Variants in RRM2B observed in about 807,000 individuals in gnomAD.
The protein encoded by RRM2B is ribonucleotide reductase regulatory TP53 inducible subunit M2B, also known as ribonucleoside-diphosphate reductase subunit M2 B.
RRM2B carries 20 observed loss-of-function variants against 45.9 expected under a neutral mutation model. The ratio of observed to expected loss-of-function variants is 0.44; its 90% confidence interval spans 0.31 to 0.63. The LOEUF is 0.63. Among genes scored for constraint, RRM2B ranks in the 30% least tolerant of loss-of-function variants. The pLI is 0.09. For missense variants in RRM2B, 320 were observed against 414.7 expected (o/e 0.77, Z 1.98); for synonymous variants, 124 against 132.3 (o/e 0.94, Z 0.43).
At chr8:102,222,867 T>C (rs1810859690) in intron 5 of RRM2B, among the ~76,000 whole-genome samples, 1 of 152,166 alleles carries the variant, frequency 6.6e-6, no homozygotes, top group Admixed American at 6.5e-5. Flanking sequence ...GTTATCTGTA[T>C]TAAAATATAA....
intron 2 of RRM2B, among the ~76,000 whole-genome samples, chr8:102,229,703 A>G (rs1331129722): frequency 2.0e-5 from 3 of 151,896 alleles, no homozygotes; most frequent in African/African-American, 4.8e-5. Flanking sequence ...TCCTGCCTCA[A>G]CCTCCTGAGT....
In RRM2B at chr8:102,224,075, C is replaced by T. The variant is rs764136513; in HGVS notation, c.521G>A (p.Arg174Gln). 8 of 1,613,410 alleles carry T rather than the reference C, an allele frequency of 5.0e-6. No homozygotes were observed. Among genetic ancestry groups the T allele is most frequent in the African/African-American group, 1.3e-5 (1 of 74,920 alleles). Reference protein sequence around the residue: ...YVKKKADWALRWIADRKSTFG... With the variant: ...YVKKKADWALQWIADRKSTFG... ...AGTAGATTTTCTATCTGCTATCCAT[C>T]GCAAGGCCCAATCTGCTTTTTTCTT... The change falls in exon 5 of 9, where the codon CGA (arginine) becomes CAA (glutamine). Residue 174 changes from arginine to glutamine, a missense_variant. Coordinates refer to ENST00000251810, the MANE Select transcript of RRM2B (RefSeq NM_015713.5).
intron 2 of RRM2B, among the ~76,000 whole-genome samples, chr8:102,227,855 G>A (rs1262063178): frequency 6.6e-6 from 1 of 151,882 alleles, no homozygotes; most frequent in East Asian, 1.9e-4. Flanking sequence ...GTCTCTTAAG[G>A]GCACTAATCC....
chr8:102,216,328 G>A (rs1317215056), intron 6 of RRM2B, among the ~76,000 whole-genome samples: 1 of 151,664 alleles, frequency 6.6e-6, no homozygotes, highest in African/African-American at 2.4e-5. Flanking sequence ...CAGACTTAAA[G>A]GTTAAAAAAC....
chr8:102,212,795 A>G lies in RRM2B; in HGVS notation c.884T>C (p.Val295Ala). The G allele has an allele frequency of 4.4e-6, 7 of 1,595,950 alleles. No individual in the cohort carries two copies. The highest frequency in any genetic ancestry group is 6.0e-6 in the Non-Finnish European group (7 of 1,163,682). Residue 295 changes from valine (V) to alanine (A), a missense_variant, in exon 8 of 9, where the codon GTG (valine) becomes GCG (alanine). Physicochemically the swap from Val to Ala is moderately conservative, Grantham distance 64. Coordinates refer to ENST00000251810, the MANE Select transcript of RRM2B (RefSeq NM_015713.5). ...CATTACCTTTGAGAATCCAAGTTCC[A>G]CAAGTAATCTGTCAGCTACAAACTC... is the stretch of plus-strand genomic sequence containing the variant. ...YIEFVADRLL[V>A]ELGFSKVFQA...
rs1258359376 is a variant in RRM2B, at chr8:102,224,129, A to G, written c.467T>C (p.Phe156Ser). Residue 156 changes from phenylalanine to serine, a missense_variant, in exon 5 of 9, where the codon TTT becomes TCT. By Grantham distance (155) the Phe-to-Ser change is radical. This residue lies in a region of RRM2B where 225 missense variants were observed against 289.4 expected (regional missense o/e 0.78). Coordinates refer to ENST00000251810, the MANE Select transcript of RRM2B (RefSeq NM_015713.5). ...ATAGGGCATGGTTTCAATTGCATTAAATAAAAATTCCCTGTAAAAACAAAA... is the reference window on the plus strand; with the variant it reads ...ATAGGGCATGGTTTCAATTGCATTAGATAAAAATTCCCTGTAAAAACAAAA... ...IRDPKKREFL[F>S]NAIETMPYVK... 1 of 1,607,352 alleles carries G rather than the reference A, an allele frequency of 6.2e-7. No individual in the cohort carries two copies. Among genetic ancestry groups the G allele is most frequent in the Non-Finnish European group, 8.5e-7 (1 of 1,173,910 alleles).
chr8:102,226,364 A>G (rs1829715152), intron 2 of RRM2B, among the ~76,000 whole-genome samples: 1 of 151,820 alleles, frequency 6.6e-6, no homozygotes, highest in Non-Finnish European at 1.5e-5. Flanking sequence ...CATACACCTT[A>G]AACATACACA....
chr8:102,238,308 C>T (rs969426014), intron 1 of RRM2B: 1 of 336,820 alleles, frequency 3.0e-6, no homozygotes, highest in South Asian at 2.4e-5. Context: ...TGGCCTCCTA[C>T]CCTGATTTTT....
chr8:102,224,204 CAG>C lies in RRM2B; in HGVS notation c.456-66_456-65del, dbSNP rs1810885341. ...TGTTTTTCTTTTTTTTTTTTTGAGA[CAG>C]AGTCTCGCTCTGTTGCCCAGGCTGG... On this transcript the variant is annotated intron_variant, in intron 4 of 8. Coordinates refer to ENST00000251810, the MANE Select transcript of RRM2B (RefSeq NM_015713.5). The C allele has an allele frequency of 1.8e-5, 20 of 1,081,894 alleles. No individual in the cohort carries two copies. The South Asian group carries it at 1.9e-4, about 10-fold the overall frequency. The allele number at this position is 1,081,894 out of a possible 1,614,324, so 67.0% of individuals were successfully genotyped here.
chr8:102,219,230 G>A (rs148133734), intron 5 of RRM2B, among the ~76,000 whole-genome samples: 77 of 152,338 alleles, frequency 5.1e-4, no homozygotes, highest in African/African-American at 1.6e-3. Context: ...GGTGATTTAC[G>A]TGTGCACCAC....
Position 102,214,314 on chromosome 8 carries a change from C to A in RRM2B, c.685-156G>T, listed in dbSNP as rs541499115. 4.6e-6 allele frequency: 3 copies of A among 658,304 alleles called. No individual in the cohort carries two copies. In the East Asian group the frequency reaches 8.5e-5, roughly 19 times the overall value. 40.8% of individuals were successfully genotyped at this position (658,304 alleles called of 1,614,324 possible). Reference sequence around the variant, plus strand: ...AATAGGACTAGGAACTTCCTTCTTTCAAATCTCATTAAATGCCAATACAAT... The same window carrying A: ...AATAGGACTAGGAACTTCCTTCTTTAAAATCTCATTAAATGCCAATACAAT... On this transcript the variant is annotated intron_variant, in intron 6 of 8. Coordinates refer to ENST00000251810, the MANE Select transcript of RRM2B (RefSeq NM_015713.5).
At chr8:102,233,086 A>C (rs1203067346) in intron 1 of RRM2B, among the ~76,000 whole-genome samples, 1 of 152,234 alleles carries the variant, frequency 6.6e-6, no homozygotes, top group Non-Finnish European at 1.5e-5. Flanking sequence ...ATGAGTATAA[A>C]CAAAGGACAT....
At chr8:102,224,009 A>T in intron 5 of RRM2B, 37 bp downstream of exon 5, 1 of 1,396,594 alleles carries the variant, frequency 7.2e-7, no homozygotes, top group Non-Finnish European at 1.0e-6. Context: ...ATATCACCTT[A>T]GGCAAATCTG....
Position 102,206,643 on chromosome 8 carries a change from T to C in RRM2B, c.*1490A>G, listed in dbSNP as rs1291362944. On this transcript the variant is annotated 3_prime_UTR_variant, in exon 9 of 9. Transcript: ENST00000251810. ...TGGGAAACAACTGCTTGAAGGGGTA[T>C]ACAGAATACCAAATAATAATGTATT... 6.6e-6 allele frequency: 1 copy of C among 152,174 alleles called. No individual in the cohort carries two copies. The highest frequency in any genetic ancestry group is 1.5e-5 in the Non-Finnish European group (1 of 68,022). The allele number at this position is 152,174 out of a possible 1,614,324, so 9.4% of individuals were successfully genotyped here.
rs72554098 is a variant in RRM2B at position 102,224,114 on chromosome 8, G to A, written c.482C>T (p.Thr161Ile). 50 of 1,610,994 alleles carry A rather than the reference G, an allele frequency of 3.1e-5. No individual in the cohort carries two copies. Among genetic ancestry groups the A allele is most frequent in the African/African-American group, 4.0e-5 (3 of 74,804 alleles). ...KREFLFNAIE[T>I]MPYVKKKADW... ...TGCTTTTTTCTTAACATAGGGCATG[G>A]TTTCAATTGCATTAAATAAAAATTC... is the stretch of plus-strand genomic sequence containing the variant. Residue 161 changes from threonine to isoleucine, a missense_variant, in exon 5 of 9, where the codon ACC (threonine) becomes ATC (isoleucine). Transcript: ENST00000251810.
At chr8:102,234,339 A>G (rs1369259070) in intron 1 of RRM2B, among the ~76,000 whole-genome samples, 1 of 152,188 alleles carries the variant, frequency 6.6e-6, no homozygotes, top group Non-Finnish European at 1.5e-5. Flanking sequence ...GTGTATTATG[A>G]GGGATTTTGC....
intron 6 of RRM2B, among the ~76,000 whole-genome samples, chr8:102,217,772 AATTG>A (rs1048504861): frequency 6.6e-6 from 1 of 151,914 alleles, no homozygotes; most frequent in African/African-American, 2.4e-5. Flanking sequence ...AGTTTCACCT[AATTG>A]ATCAGGAAAG....
intron 2 of RRM2B, among the ~76,000 whole-genome samples, chr8:102,229,282 A>C (rs1009089154): frequency 4.7e-4 from 71 of 152,196 alleles, no homozygotes; most frequent in Admixed American, 1.9e-3. Flanking sequence ...AACAAAAAAA[A>C]AAAAACCCAC....
intron 5 of RRM2B, among the ~76,000 whole-genome samples, chr8:102,220,853 A>G (rs1306497168): frequency 6.6e-6 from 1 of 152,220 alleles, no homozygotes; most frequent in Non-Finnish European, 1.5e-5. Flanking sequence ...TAAGTGGTAC[A>G]TTTTACAATT....
Sources: allele counts gnomAD v4.1 joint callset (sites outside exome capture counted in the v4.1 genomes callset), GRCh38; gene constraint gnomAD v4.1.1; regional missense constraint gnomAD v4.1.1; transcripts MANE v1.5; gene names NCBI Gene and HGNC (gene_info 2026-07-23, HGNC 2026-07-21).